METTL6: variants seen among roughly 807,000 people sequenced by gnomAD.
METTL6 encodes the protein methyltransferase 6, tRNA N3-cytidine, also known as tRNA N(3)-cytidine methyltransferase METTL6.
A neutral mutation model predicts 26.4 loss-of-function variants in METTL6; 22 were observed. The observed-to-expected ratio is 0.83, with a 90% CI of 0.59 to 1.19. The LOEUF (loss-of-function observed/expected upper bound fraction) is 1.19. Among genes scored for constraint, METTL6 ranks in the 50% most tolerant of loss-of-function variants. The probability of loss-of-function intolerance (pLI) is 0.00; values close to 1 mark genes in which losing one functional copy is unlikely to be tolerated. For missense variants in METTL6, 304 were observed against 324.8 expected (o/e 0.94, Z 0.49); for synonymous variants, 109 against 116.2 (o/e 0.94, Z 0.40).
chr3:15,413,873 C>A (rs1700074385), intron 5 of METTL6, 148 bp downstream of exon 5: 1 of 1,522,970 alleles, frequency 6.6e-7, no homozygotes, highest in Non-Finnish European at 8.8e-7. Flanking sequence ...CTTCCAGGTG[C>A]TGGGTAAATA....
intron 3 of METTL6, among the ~76,000 whole-genome samples, chr3:15,421,575 C>T (rs1297168455): frequency 6.6e-6 from 1 of 152,130 alleles, no homozygotes; most frequent in Admixed American, 6.5e-5. Context: ...ATTTTCCCAC[C>T]TCAGTCTCCC....
At chr3:15,393,511 T>C (rs1699404911) in intron 6 of METTL6, among the ~76,000 whole-genome samples, 2 of 152,204 alleles carry the variant, frequency 1.3e-5, no homozygotes, top group Admixed American at 1.3e-4. Flanking sequence ...CTGATTTCCC[T>C]GGCCAGAACT....
At chr3:15,391,272 G>A (rs946565345) in intron 6 of METTL6, among the ~76,000 whole-genome samples, 1 of 152,234 alleles carries the variant, frequency 6.6e-6, no homozygotes, top group Non-Finnish European at 1.5e-5. Flanking sequence ...TGGAAAAATG[G>A]GGCTCCTGTT....
rs149997257 is a variant in METTL6 at position 15,397,672 on chromosome 3, T to C, written c.*12-13485A>G. On this transcript the variant is annotated intron_variant, in intron 6 of 6. Coordinates refer to the METTL6 transcript ENST00000443029. ...CTAACTTTAGGAGACATTTAGTTTA[T>C]AGTTTAAATTATAATAGCCCTTCCC... Among the ~76,000 whole-genome samples, 1,224 of 152,316 alleles carry C rather than the reference T, an allele frequency of 8.0e-3. 12 individuals are homozygous for C. The highest frequency in any genetic ancestry group is 0.046 in the South Asian group (221 of 4,822).
intron 5 of METTL6, chr3:15,413,814 C>T (rs1250292069): frequency 6.7e-7 from 1 of 1,487,150 alleles, no homozygotes; most frequent in Non-Finnish European, 9.0e-7. Flanking sequence ...GAGTCACTGA[C>T]ACCAGAGAAG....
At chr3:15,384,768 G>A (rs1042703519) in intron 6 of METTL6, among the ~76,000 whole-genome samples, 7 of 152,130 alleles carry the variant, frequency 4.6e-5, no homozygotes, top group African/African-American at 1.7e-4. Flanking sequence ...GGATAGGGTT[G>A]AGTTTTTGAA....
intron 3 of METTL6, among the ~76,000 whole-genome samples, chr3:15,418,999 C>G (rs1405047634): frequency 6.6e-6 from 1 of 152,066 alleles, no homozygotes; most frequent in Non-Finnish European, 1.5e-5. Flanking sequence ...GACCTCATCT[C>G]TACAAAAAAT....
At chr3:15,395,698 G>T (rs1042074143) in intron 6 of METTL6, among the ~76,000 whole-genome samples, 1 of 151,988 alleles carries the variant, frequency 6.6e-6, no homozygotes, top group African/African-American at 2.4e-5. Context: ...AGGCCTGGTG[G>T]TGACAAAATC....
chr3:15,381,906 T>C (rs751378651), exon 7 of METTL6: 1 of 152,130 alleles, frequency 6.6e-6, no homozygotes, highest in Non-Finnish European at 1.5e-5. Flanking sequence ...AAAAAAAAAG[T>C]ATGGCTATTT....
intron 6 of METTL6, among the ~76,000 whole-genome samples, chr3:15,389,849 ATTTT>A (rs58728599): frequency 7.5e-6 from 1 of 132,980 alleles, no homozygotes; most frequent in Non-Finnish European, 1.6e-5. Flanking sequence ...CGCCCGGCCA[ATTTT>A]TTTTTTTTTT....
chr3:15,388,904 A>G (rs1699267322), intron 6 of METTL6, among the ~76,000 whole-genome samples: 1 of 152,234 alleles, frequency 6.6e-6, no homozygotes, highest in Non-Finnish European at 1.5e-5. Context: ...TAGAAGGAAG[A>G]TAGAGTTGGT....
At position 15,397,072 on chromosome 3, in the gene METTL6, G is replaced by A. The variant is rs183242046; in HGVS notation, c.*12-12885C>T. Among the ~76,000 whole-genome samples the A allele has an allele frequency of 5.6e-3, 851 of 152,282 alleles. 7 individuals are homozygous for A. The highest frequency in any genetic ancestry group is 0.018 in the African/African-American group (760 of 41,560). The stretch of plus-strand genomic sequence containing the variant: ...TGCTGCCTTTTGTTTGGCTATGCCC[G>A]CCCCCAGAAGTGGAGTCTACAGAGG... On this transcript the variant is annotated intron_variant, in intron 6 of 6. Transcript: ENST00000443029.
At chr3:15,401,536 CAAAAA>C (rs35578326) in intron 6 of METTL6, among the ~76,000 whole-genome samples, 4 of 71,850 alleles carry the variant, frequency 5.6e-5, no homozygotes, top group African/African-American at 1.6e-4. Context: ...ATGTTCACGC[CAAAAA>C]AAAAAAAAAA....
At chr3:15,385,551 T>C (rs767608293) in intron 6 of METTL6, among the ~76,000 whole-genome samples, 4 of 152,058 alleles carry the variant, frequency 2.6e-5, no homozygotes, top group African/African-American at 9.7e-5. Context: ...TGAGCCAAGA[T>C]TGTGCCACTG....
At chr3:15,383,638 T>C (rs1462666410) in exon 7 of METTL6, 1 of 152,216 alleles carries the variant, frequency 6.6e-6, no homozygotes, top group Non-Finnish European at 1.5e-5. Context: ...CATTCCACAA[T>C]GTATACATCT....
chr3:15,422,218 C>T (rs1258711627), intron 3 of METTL6, among the ~76,000 whole-genome samples: 4 of 152,026 alleles, frequency 2.6e-5, no homozygotes, highest in Non-Finnish European at 5.9e-5. Flanking sequence ...CCCAGCTACT[C>T]AAGAGGCTGA....
chr3:15,396,317 T>C (rs936773650), intron 6 of METTL6, among the ~76,000 whole-genome samples: 1 of 152,244 alleles, frequency 6.6e-6, no homozygotes, highest in Admixed American at 6.5e-5. Context: ...CACGTAGTTC[T>C]TGTGCCATGG....
chr3:15,402,769 A>G (rs1473064228), intron 6 of METTL6, among the ~76,000 whole-genome samples: 1 of 151,178 alleles, frequency 6.6e-6, no homozygotes, highest in African/African-American at 2.4e-5. Context: ...AAAAAAAAAG[A>G]AATGCAAAAA....
At chr3:15,395,564 C>T (rs2124915077) in intron 6 of METTL6, among the ~76,000 whole-genome samples, 1 of 151,430 alleles carries the variant, frequency 6.6e-6, no homozygotes, top group Admixed American at 6.6e-5. Flanking sequence ...GGTTATTTTG[C>T]TTGTTAGTTG....
Sources: gnomAD v4.1 joint callset for allele counts (sites outside exome capture counted in the v4.1 genomes callset) on GRCh38, gnomAD v4.1.1 for gene constraint, MANE v1.5 for transcripts, NCBI Gene and HGNC (gene_info 2026-07-23, HGNC 2026-07-21) for gene names.